CISTR: variants seen among roughly 807,000 people sequenced by gnomAD.
CISTR encodes the protein chondrogenic regulator lncRNA.
intron 2 of CISTR, among the ~76,000 whole-genome samples, chr12:53,747,258 G>C (rs1357470829): frequency 1.3e-5 from 2 of 152,208 alleles, no homozygotes; most frequent in Non-Finnish European, 2.9e-5. Flanking sequence ...ATTGGCAGGA[G>C]CCAGGAGGCA....
At chr12:53,753,902 C>G (rs555584734) in intron 1 of CISTR, among the ~76,000 whole-genome samples, 1 of 152,018 alleles carries the variant, frequency 6.6e-6, no homozygotes, top group Non-Finnish European at 1.5e-5. Flanking sequence ...GTAGCTCTAC[C>G]GTGACCCTGG....
chr12:53,752,384 C>G (rs922499798), intron 1 of CISTR, among the ~76,000 whole-genome samples: 1 of 152,186 alleles, frequency 6.6e-6, no homozygotes, highest in African/African-American at 2.4e-5. Context: ...CCCTCCGGCT[C>G]TGCCGGGACT....
chr12:53,754,103 A>T (rs1461203252), intron 1 of CISTR, among the ~76,000 whole-genome samples: 4 of 152,096 alleles, frequency 2.6e-5, no homozygotes, highest in African/African-American at 9.7e-5. Flanking sequence ...GAGGAGATAG[A>T]GGTGGGGATG....
chr12:53,755,003 G>A (rs1413885787), intron 1 of CISTR, among the ~76,000 whole-genome samples: 2 of 152,100 alleles, frequency 1.3e-5, no homozygotes, highest in African/African-American at 4.8e-5. Flanking sequence ...CATAGGGTGC[G>A]TCCAAATAAT....
At chr12:53,752,449 G>GATT (rs1937865189) in intron 1 of CISTR, among the ~76,000 whole-genome samples, 1 of 152,226 alleles carries the variant, frequency 6.6e-6, no homozygotes, top group South Asian at 2.1e-4. Context: ...CCAGCCCTGG[G>GATT]CCTCACCATG....
intron 2 of CISTR, among the ~76,000 whole-genome samples, chr12:53,748,051 T>A (rs1937802763): frequency 6.6e-6 from 1 of 152,188 alleles, no homozygotes. Flanking sequence ...TCCCAGAATT[T>A]CCAGTGGCTC....
intron 2 of CISTR, among the ~76,000 whole-genome samples, chr12:53,748,197 C>T (rs978530129): frequency 5.3e-5 from 8 of 152,166 alleles, no homozygotes; most frequent in Admixed American, 4.6e-4. Flanking sequence ...TCAGAGACCG[C>T]GCTGCATCCT....
At chr12:53,753,692 G>GTGTGTGTGTGTGTGTA (rs1388726204) in intron 1 of CISTR, among the ~76,000 whole-genome samples, 5 of 151,456 alleles carry the variant, frequency 3.3e-5, no homozygotes, top group African/African-American at 1.2e-4. Context: ...GTGTGTGTGT[G>GTGTGTGTGTGTGTGTA]TGTGTGTGTG....
chr12:53,746,387 A>G (rs1417548257), exon 3 of CISTR, among the ~76,000 whole-genome samples: 2 of 152,134 alleles, frequency 1.3e-5, no homozygotes, highest in Non-Finnish European at 2.9e-5. Flanking sequence ...CAGCTGACAC[A>G]ATGGGAAGAC....
intron 2 of CISTR, among the ~76,000 whole-genome samples, chr12:53,749,114 A>T (rs1937816131): frequency 6.6e-6 from 1 of 151,998 alleles, no homozygotes; most frequent in African/African-American, 2.4e-5. Context: ...GGTGGGGTGT[A>T]GGGGAGAGAA....
At chr12:53,746,675 T>A (rs1029380008) in exon 3 of CISTR, among the ~76,000 whole-genome samples, 4 of 152,112 alleles carry the variant, frequency 2.6e-5, no homozygotes, top group Admixed American at 2.6e-4. Flanking sequence ...GCTAAAGACG[T>A]CCCCGGCCTA....
At chr12:53,749,376 A>G (rs888547629) in intron 2 of CISTR, among the ~76,000 whole-genome samples, 1 of 151,546 alleles carries the variant, frequency 6.6e-6, no homozygotes, top group African/African-American at 2.4e-5. Context: ...AGGGGCACGG[A>G]GAGAGAGGGG....
intron 1 of CISTR, among the ~76,000 whole-genome samples, chr12:53,753,943 C>G (rs1410750025): frequency 9.8e-6 from 1 of 102,138 alleles, no homozygotes; most frequent in Non-Finnish European, 2.2e-5. Flanking sequence ...GGAAGCCAGG[C>G]TGACTTCCTG....
At chr12:53,755,013 T>C (rs1423187789) in intron 1 of CISTR, among the ~76,000 whole-genome samples, 1 of 152,140 alleles carries the variant, frequency 6.6e-6, no homozygotes, top group East Asian at 1.9e-4. Context: ...GTCCAAATAA[T>C]GGACACGAGG....
rs1201024695 is a variant in CISTR at position 53,751,671 on chromosome 12, G to A, written n.415-706C>T. ...TCGGGGGTGCGTGCGGGTGCGATCCGGGCCTGCAGGGTGCGGAGCGGGGGC... is the reference window on the plus strand; with the variant it reads ...TCGGGGGTGCGTGCGGGTGCGATCCAGGCCTGCAGGGTGCGGAGCGGGGGC... On this transcript the variant is annotated intron_variant and non_coding_transcript_variant, in intron 1 of 2. Transcript: ENST00000669269. The surrounding 1 kb of genome is among the most constrained non-coding windows in gnomAD (Gnocchi z 4.6). The A allele has an allele frequency of 6.6e-6, 1 of 152,150 alleles. No individual in the cohort carries two copies. Among genetic ancestry groups the A allele is most frequent in the Non-Finnish European group, 1.5e-5 (1 of 68,044 alleles). 9.4% of individuals were successfully genotyped at this position (152,150 alleles called of 1,614,324 possible).
At position 53,748,877 on chromosome 12, in the gene CISTR, G is replaced by T. The variant is rs560711496; in HGVS notation, n.1063+1440C>A. Among the ~76,000 whole-genome samples, 8 of 152,278 alleles carry T rather than the reference G, an allele frequency of 5.3e-5. No homozygotes were observed. The South Asian group carries it at 1.7e-3, about 32-fold the overall frequency. ...AAGAAGGGTCAGGTAGAGGTTGCAG[G>T]GGGTGAGATGGGGATTCTGGGTTGA... On this transcript the variant is annotated intron_variant and non_coding_transcript_variant, in intron 2 of 2. Coordinates refer to ENST00000669269, the Ensembl canonical transcript of CISTR.
Position 53,756,739 on chromosome 12 carries a change from TG to T in CISTR, n.414+74del. On this transcript the variant is annotated intron_variant and non_coding_transcript_variant, in intron 1 of 2. Coordinates refer to ENST00000669269, the Ensembl canonical transcript of CISTR. The surrounding 1 kb of genome is among the most constrained non-coding windows in gnomAD (Gnocchi z 4.0). ...TGTGGGTCAGTGATGTGTGTGTGTG[TG>T]TGTGTGTGTGTACTGGGGAGGGGGG... 6.6e-6 allele frequency: 1 copy of T among 151,116 alleles called. No homozygotes were observed. The allele number at this position is 151,116 out of a possible 1,614,324, so 9.4% of individuals were successfully genotyped here.
At chr12:53,755,263 G>A (rs1048039265) in intron 1 of CISTR, among the ~76,000 whole-genome samples, 1 of 151,920 alleles carries the variant, frequency 6.6e-6, no homozygotes, top group African/African-American at 2.4e-5. Context: ...CAATCCCCTA[G>A]AAAAAGAATA....
chr12:53,749,381 G>A (rs939994073), intron 2 of CISTR, among the ~76,000 whole-genome samples: 6 of 151,840 alleles, frequency 4.0e-5, no homozygotes, highest in Admixed American at 3.9e-4. Flanking sequence ...CACGGAGAGA[G>A]AGGGGGCTGT....
Sources: gnomAD v4.1 joint callset for allele counts (sites outside exome capture counted in the v4.1 genomes callset) on GRCh38, gnomAD v4.1.1 for gene constraint, Gnocchi (gnomAD v3.1) non-coding constraint, MANE v1.5 for transcripts, NCBI Gene and HGNC (gene_info 2026-07-23, HGNC 2026-07-21) for gene names.